The following CLOCK variants were observed in gnomAD, a reference collection of about 807,000 sequenced individuals.
The protein encoded by CLOCK is circadian locomoter output cycles protein kaput.
A neutral mutation model predicts 118.4 loss-of-function variants in CLOCK; 43 were observed. The ratio of observed to expected loss-of-function variants is 0.36; its 90% CI spans 0.28 to 0.47. The LOEUF is 0.47. Ranked by LOEUF, CLOCK falls within the 20% of genes least tolerant of loss-of-function variation. The pLI, the probability that CLOCK is intolerant of heterozygous loss-of-function variation, is 1.00. For synonymous variants in CLOCK, 326 were observed against 339.2 expected, an observed-to-expected ratio of 0.96 and a Z score of 0.43; for missense variants, 846 against 999.9, an observed-to-expected ratio of 0.85 and a Z score of 2.08.
intron 1 of CLOCK, among the ~76,000 whole-genome samples, chr4:55,512,068 C>T (rs1156820015): frequency 6.6e-6 from 1 of 151,876 alleles, no homozygotes; most frequent in Non-Finnish European, 1.5e-5. Flanking sequence ...CTATAAACTT[C>T]CATATAAAGA....
At chr4:55,543,591 T>G (rs1171456101) in intron 1 of CLOCK, among the ~76,000 whole-genome samples, 1 of 152,118 alleles carries the variant, frequency 6.6e-6, no homozygotes, top group Non-Finnish European at 1.5e-5. Flanking sequence ...GGGTTGTCAC[T>G]TATTATATAT....
chr4:55,513,970 T>G (rs1201496904), intron 1 of CLOCK, among the ~76,000 whole-genome samples: 2 of 152,178 alleles, frequency 1.3e-5, no homozygotes, highest in Admixed American at 6.5e-5. Flanking sequence ...ATATTAACCT[T>G]GTATCCTGCT....
At chr4:55,447,640 T>C (rs960538223) in intron 18 of CLOCK, among the ~76,000 whole-genome samples, 2 of 152,182 alleles carry the variant, frequency 1.3e-5, no homozygotes, top group East Asian at 1.9e-4. Context: ...CTTTATTTCA[T>C]GAAAATATCC....
chr4:55,519,347 G>T (rs1017176534), intron 1 of CLOCK, among the ~76,000 whole-genome samples: 1 of 152,218 alleles, frequency 6.6e-6, no homozygotes, highest in African/African-American at 2.4e-5. Context: ...GCAAGCCACT[G>T]AGCCTGCAGT....
chr4:55,513,770 T>C (rs114561207), intron 1 of CLOCK, among the ~76,000 whole-genome samples: 325 of 152,236 alleles, frequency 2.1e-3, no homozygotes, highest in African/African-American at 7.6e-3. Flanking sequence ...AGTCTTCCTA[T>C]CCATGAACAT....
intron 1 of CLOCK, among the ~76,000 whole-genome samples, chr4:55,514,303 C>T (rs546133083): frequency 1.4e-4 from 22 of 152,058 alleles, no homozygotes; most frequent in Non-Finnish European, 2.9e-5. Flanking sequence ...AATACCAACA[C>T]CTAATTCAGT....
At chr4:55,507,892 T>C (rs1159081853) in intron 2 of CLOCK, among the ~76,000 whole-genome samples, 1 of 152,202 alleles carries the variant, frequency 6.6e-6, no homozygotes, top group Non-Finnish European at 1.5e-5. Flanking sequence ...AACCCACTCT[T>C]AGGAAACTGG....
At chr4:55,457,658 T>A (rs185913506) in intron 11 of CLOCK, among the ~76,000 whole-genome samples, 43 of 152,336 alleles carry the variant, frequency 2.8e-4, no homozygotes, top group Non-Finnish European at 2.9e-5. Context: ...CCACTATCTC[T>A]TCCCCCTCCA....
rs1722330554 is a variant in CLOCK at position 55,428,575 on chromosome 4, TC to T, written c.*6839del. On this transcript the variant is annotated 3_prime_UTR_variant, in exon 23 of 23. Coordinates refer to ENST00000513440, the MANE Select transcript of CLOCK (RefSeq NM_004898.4). ...TGCCTTAGTAAAGGGTATTCTTATC[TC>T]AAGATCAATTAGCCGTTTTTAGCTC... 1 of 152,200 alleles carries T rather than the reference TC, an allele frequency of 6.6e-6. No individual in the cohort carries two copies. Among genetic ancestry groups the T allele is most frequent in the Non-Finnish European group, 1.5e-5 (1 of 68,046 alleles). 9.4% of individuals were successfully genotyped at this position (152,200 alleles called of 1,614,324 possible).
intron 18 of CLOCK, among the ~76,000 whole-genome samples, 174 bp from the exon 19 acceptor site, chr4:55,444,959 C>T (rs1438162421): frequency 6.6e-6 from 1 of 152,130 alleles, no homozygotes; most frequent in Non-Finnish European, 1.5e-5. Context: ...TAATATTGGA[C>T]CTGGACCTTC....
chr4:55,489,023 C>A (rs1727491995), intron 3 of CLOCK, among the ~76,000 whole-genome samples: 1 of 152,204 alleles, frequency 6.6e-6, no homozygotes, highest in Non-Finnish European at 1.5e-5. Context: ...ACAAGCCTTA[C>A]AGTGCCCAGC....
intron 9 of CLOCK, among the ~76,000 whole-genome samples, chr4:55,462,844 T>TTG (rs148360787): frequency 0.22 from 33,011 of 151,336 alleles, 4,112 homozygotes; most frequent in South Asian, 0.35. Context: ...ACACACAGAT[T>TTG]TGTGTGAGTG....
At chr4:55,504,662 G>C (rs963603237) in intron 2 of CLOCK, among the ~76,000 whole-genome samples, 1 of 151,974 alleles carries the variant, frequency 6.6e-6, no homozygotes, top group Non-Finnish European at 1.5e-5. Context: ...TTAGTAAATT[G>C]TACTCAAGAA....
intron 18 of CLOCK, among the ~76,000 whole-genome samples, chr4:55,447,922 T>C (rs1272831344): frequency 1.3e-5 from 2 of 152,208 alleles, no homozygotes; most frequent in Non-Finnish European, 2.9e-5. Context: ...AGGCACTGAA[T>C]GAGTACAGAG....
At position 55,430,179 on chromosome 4, in the gene CLOCK, TTTGA is replaced by T. The variant is rs1480853736; in HGVS notation, c.*5232_*5235del. The T allele has an allele frequency of 6.6e-6, 1 of 152,034 alleles. No individual in the cohort carries two copies. The highest frequency in any genetic ancestry group is 1.5e-5 in the Non-Finnish European group (1 of 67,994). The allele number at this position is 152,034 out of a possible 1,614,324, so 9.4% of individuals were successfully genotyped here. A position where few individuals can be genotyped will look rare whatever the true frequency, so the allele number is the denominator to read the frequency against. ...AAATTCTTTCATAAATACTTACTAG[TTTGA>T]TTGTCACTTAATGCAGCACCTCAGT... On this transcript the variant is annotated 3_prime_UTR_variant, in exon 23 of 23. Transcript: ENST00000513440.
At chr4:55,540,942 G>A (rs909496868) in intron 1 of CLOCK, 1 of 152,090 alleles carries the variant, frequency 6.6e-6, no homozygotes, top group Non-Finnish European at 1.5e-5. Flanking sequence ...AAATGAAAAT[G>A]TTTCTGAAAA....
chr4:55,536,640 T>C (rs909855515), intron 1 of CLOCK, among the ~76,000 whole-genome samples: 2 of 152,184 alleles, frequency 1.3e-5, no homozygotes. Context: ...CTATACACTT[T>C]GGAGAACCGT....
At chr4:55,540,491 C>A (rs1257640356) in intron 1 of CLOCK, 4 of 152,016 alleles carry the variant, frequency 2.6e-5, no homozygotes, top group Non-Finnish European at 5.9e-5. Flanking sequence ...TATGGTCTAA[C>A]CTTTATTGGT....
intron 1 of CLOCK, among the ~76,000 whole-genome samples, chr4:55,531,994 T>C (rs1322372827): frequency 6.6e-6 from 1 of 151,690 alleles, no homozygotes; most frequent in Non-Finnish European, 1.5e-5. Flanking sequence ...GTGGGATTTA[T>C]ACCAGAAATT....
Sources: allele counts gnomAD v4.1 joint callset (sites outside exome capture counted in the v4.1 genomes callset), GRCh38; gene constraint gnomAD v4.1.1; transcripts MANE v1.5; gene names NCBI Gene and HGNC (gene_info 2026-07-23, HGNC 2026-07-21).